The following SLC20A1 variants were observed in gnomAD, a reference collection of about 807,000 sequenced individuals.
The protein encoded by SLC20A1 is sodium-dependent phosphate transporter 1.
In SLC20A1, 28 loss-of-function variants were observed where a neutral mutation model predicts 62.7. The ratio of observed to expected loss-of-function variants is 0.45; its 90% CI spans 0.33 to 0.61. SLC20A1 has a LOEUF of 0.61. Among genes scored for constraint, SLC20A1 ranks in the 20% least tolerant of loss-of-function variants. The probability of loss-of-function intolerance (pLI) is 0.02; values close to 1 mark genes in which losing one functional copy is unlikely to be tolerated. For missense variants in SLC20A1, 673 were observed against 838.6 expected, an observed-to-expected ratio of 0.80 and a Z score of 2.44; for synonymous variants, 305 against 302.9, an observed-to-expected ratio of 1.01 and a Z score of -0.07.
chr2:112,650,812 G>A (rs1419182187), intron 4 of SLC20A1, among the ~76,000 whole-genome samples: 1 of 151,966 alleles, frequency 6.6e-6, no homozygotes, highest in African/African-American at 2.4e-5. Flanking sequence ...TTATAGAGGT[G>A]GAGTCTTGCT....
chr2:112,656,948 C>A, intron 5 of SLC20A1, 174 bp from the exon 6 acceptor site: 1 of 751,042 alleles, frequency 1.3e-6, no homozygotes, highest in South Asian at 1.6e-5. Flanking sequence ...TTGAGTTTTT[C>A]TCCCAAATTT....
At chr2:112,656,375 AT>A (rs1297598122) in intron 5 of SLC20A1, among the ~76,000 whole-genome samples, 1 of 150,762 alleles carries the variant, frequency 6.6e-6, no homozygotes, top group Non-Finnish European at 1.5e-5. Context: ...TTTTTTTTGT[AT>A]TTTTAGTAGA....
Position 112,647,356 on chromosome 2 carries a change from T to C in SLC20A1, c.367T>C (p.Leu123=). 6.2e-7 allele frequency: 1 copy of C among 1,613,864 alleles called. No homozygotes were observed. Among genetic ancestry groups the C allele is most frequent in the East Asian group, 2.2e-5 (1 of 44,884 alleles). The change falls in exon 3 of 11, where the codon TTG becomes CTG. Residue 123 remains leucine (L), a synonymous_variant. Transcript: ENST00000272542. ...TGTGTGGCAACTCGTGGCTTCGTTT[T>C]TGAAGCTCCCTATTTCTGGAACCCA... The part of the protein sequence containing the change: ...SAVWQLVASF[L]KLPISGTHCI...
At chr2:112,654,201 G>A (rs892163869) in intron 5 of SLC20A1, among the ~76,000 whole-genome samples, 1 of 152,314 alleles carries the variant, frequency 6.6e-6, no homozygotes, top group African/African-American at 2.4e-5. Context: ...AATCAGGAAC[G>A]AAACAGACAA....
chr2:112,650,542 G>T (rs1490079827), intron 4 of SLC20A1, among the ~76,000 whole-genome samples: 3 of 151,922 alleles, frequency 2.0e-5, no homozygotes, highest in Non-Finnish European at 2.9e-5. Flanking sequence ...CGTTGGTCAA[G>T]CTGGTCTTGA....
rs781503180 is a variant in SLC20A1 at position 112,652,810 on chromosome 2, T to C, written c.658+12T>C. On this transcript the variant is annotated intron_variant, in intron 5 of 10. Transcript: ENST00000272542. ...TACTGGAGCACCGTGTAAGTACCTA[T>C]CAAAATATTTAAATGTGAATTTAAA... is the stretch of plus-strand genomic sequence containing the variant. The C allele has an allele frequency of 1.2e-6, 2 of 1,612,292 alleles. No individual in the cohort carries two copies. Among genetic ancestry groups the C allele is most frequent in the Admixed American group, 3.3e-5 (2 of 60,020 alleles).
chr2:112,647,817 GTGATTGGTGT>G (rs1558689768), intron 4 of SLC20A1, 79 bp downstream of exon 4: 1 of 1,145,430 alleles, frequency 8.7e-7, no homozygotes, highest in African/African-American at 1.5e-5. Flanking sequence ...TTTTGCAGAT[GTGATTGGTGT>G]ATAGGTATGC....
Position 112,659,456 on chromosome 2 carries a change from G to C in SLC20A1, c.1301G>C (p.Arg434Pro). ...TGTGGCATGCCTCTGGATTCATTCC[G>C]TGCCAAAGAAGGTGAACAGAAGGGC... Reference protein sequence around the residue: ...AICGMPLDSFRAKEGEQKGEE... With the variant: ...AICGMPLDSFPAKEGEQKGEE... Residue 434 changes from arginine to proline, a missense_variant, in exon 8 of 11, where the codon CGT (arginine) becomes CCT (proline). Physicochemically the swap from Arg to Pro is moderately radical, Grantham distance 103. Coordinates refer to ENST00000272542, the MANE Select transcript of SLC20A1 (RefSeq NM_005415.5). 1 of 1,614,196 alleles carries C rather than the reference G, an allele frequency of 6.2e-7. No individual in the cohort carries two copies. The highest frequency in any genetic ancestry group is 8.5e-7 in the Non-Finnish European group (1 of 1,180,044).
In SLC20A1 at chr2:112,658,806, C is replaced by T; in HGVS notation, c.779-19C>T. ...ATGGCCACAACCAAACCAAAAAAGA[C>T]CCCCCTTTTTTTTCCTAGGAGAAAT... On this transcript the variant is annotated intron_variant, in intron 6 of 10. Transcript: ENST00000272542. The T allele has an allele frequency of 2.5e-6, 4 of 1,579,894 alleles. No individual in the cohort carries two copies. Among genetic ancestry groups the T allele is most frequent in the South Asian group, 1.2e-5 (1 of 85,588 alleles).
intron 5 of SLC20A1, among the ~76,000 whole-genome samples, chr2:112,656,290 A>T (rs895287579): frequency 1.4e-5 from 2 of 142,684 alleles, no homozygotes; most frequent in African/African-American, 5.3e-5. Context: ...CCGCCCTGCC[A>T]GGTTCAAGTG....
chr2:112,647,817 G>C (rs1307948011), intron 4 of SLC20A1, 79 bp downstream of exon 4: 9 of 1,145,430 alleles, frequency 7.9e-6, no homozygotes, highest in Non-Finnish European at 1.2e-5. Flanking sequence ...TTTTGCAGAT[G>C]TGATTGGTGT....
chr2:112,647,056 A>G lies in SLC20A1; in HGVS notation c.228A>G (p.Leu76=), dbSNP rs1027581511. ...TCTTTGAAACAGTGGGCTCTGTCTT[A>G]CTGGGGGCCAAAGTGAGCGAAACCA... ...ASIFETVGSV[L]LGAKVSETIR... The change falls in exon 2 of 11, where the codon TTA becomes TTG. Residue 76 remains leucine (L), a synonymous_variant. Coordinates refer to ENST00000272542, the MANE Select transcript of SLC20A1 (RefSeq NM_005415.5). 1 of 1,614,174 alleles carries G rather than the reference A, an allele frequency of 6.2e-7. No homozygotes were observed.
chr2:112,660,968 C>T, intron 9 of SLC20A1, 174 bp from the exon 10 acceptor site: 1 of 496,244 alleles, frequency 2.0e-6, no homozygotes, highest in Non-Finnish European at 3.6e-6. Context: ...GGAAACTGGG[C>T]ATCTGTGGCC....
chr2:112,658,857 T>G lies in SLC20A1; in HGVS notation c.811T>G (p.Leu271Val). 6.2e-7 allele frequency: 1 copy of G among 1,613,450 alleles called. No individual in the cohort carries two copies. The highest frequency in any genetic ancestry group is 2.2e-5 in the East Asian group (1 of 44,872). Reference sequence around the variant, plus strand: ...AAAGTGTAGTCCTTCTGAAAGCCCCTTAATGGAAAAAAAGAATAGCTTGAA... The same window carrying G: ...AAAGTGTAGTCCTTCTGAAAGCCCCGTAATGGAAAAAAAGAATAGCTTGAA... ...EIKCSPSESP[L>V]MEKKNSLKED... The change falls in exon 7 of 11, where the codon TTA (leucine) becomes GTA (valine). Residue 271 changes from leucine to valine, a missense_variant. By Grantham distance (32) the Leu-to-Val change is conservative (BLOSUM62 1). Coordinates refer to ENST00000272542, the MANE Select transcript of SLC20A1 (RefSeq NM_005415.5).
chr2:112,652,824 T>C, intron 5 of SLC20A1, 26 bp downstream of exon 5: 1 of 1,612,210 alleles, frequency 6.2e-7, no homozygotes, highest in African/African-American at 1.3e-5. Context: ...AATATTTAAA[T>C]GTGAATTTAA....
chr2:112,654,157 A>G (rs980517121), intron 5 of SLC20A1, among the ~76,000 whole-genome samples: 1 of 152,200 alleles, frequency 6.6e-6, no homozygotes, highest in African/African-American at 2.4e-5. Context: ...GATGGAGCTA[A>G]GTATTTTTAA....
intron 6 of SLC20A1, among the ~76,000 whole-genome samples, chr2:112,658,055 G>A (rs1343057405): frequency 1.3e-5 from 2 of 152,246 alleles, no homozygotes; most frequent in African/African-American, 2.4e-5. Flanking sequence ...CAGCTGAACC[G>A]AAGAGCCTCC....
intron 10 of SLC20A1, among the ~76,000 whole-genome samples, chr2:112,662,497 A>G (rs574345210): frequency 2.1e-4 from 32 of 152,322 alleles, no homozygotes; most frequent in African/African-American, 7.5e-4. Flanking sequence ...GGAGAATCAC[A>G]TGAAACCAGG....
At chr2:112,661,785 G>A (rs1209278821) in intron 10 of SLC20A1, among the ~76,000 whole-genome samples, 1 of 152,150 alleles carries the variant, frequency 6.6e-6, no homozygotes, top group Non-Finnish European at 1.5e-5. Context: ...CTAACCTCAG[G>A]TGATCCACCT....
Sources: allele counts gnomAD v4.1 joint callset (sites outside exome capture counted in the v4.1 genomes callset), GRCh38; gene constraint gnomAD v4.1.1; transcripts MANE v1.5; gene names NCBI Gene and HGNC (gene_info 2026-07-23, HGNC 2026-07-21).